NALF1: variants seen among roughly 807,000 people sequenced by gnomAD.
NALF1 encodes NALCN channel auxiliary factor 1.
A neutral mutation model predicts 48.4 loss-of-function variants in NALF1; 3 were observed. The ratio of observed to expected loss-of-function variants is 0.06; its 90% confidence interval spans 0.03 to 0.16. NALF1 has a LOEUF of 0.16. NALF1 is among the 10% of genes least tolerant of loss of function. NALF1 has a pLI of 1.00. For synonymous variants in NALF1, 262 were observed against 245.7 expected (o/e 1.07, Z -0.62); for missense variants, 526 against 571.5 (o/e 0.92, Z 0.81).
chr13:107,331,620 T>A (rs1392000889), intron 1 of NALF1, among the ~76,000 whole-genome samples: 1 of 152,226 alleles, frequency 6.6e-6, no homozygotes, highest in African/African-American at 2.4e-5. Context: ...TGAGCCAGCA[T>A]TAGAATTTTG....
intron 1 of NALF1, among the ~76,000 whole-genome samples, chr13:107,743,089 G>A (rs1188945515): frequency 6.6e-6 from 1 of 152,126 alleles, no homozygotes; most frequent in African/African-American, 2.4e-5. Context: ...ACTTTGACAG[G>A]GAGTGCCCCT....
chr13:107,858,547 T>C (rs895470286), intron 1 of NALF1, among the ~76,000 whole-genome samples: 3 of 152,078 alleles, frequency 2.0e-5, no homozygotes, highest in African/African-American at 7.2e-5. Context: ...AATTAGCCAT[T>C]TGTGGTGAGG....
intron 1 of NALF1, among the ~76,000 whole-genome samples, chr13:107,850,967 A>G (rs1226121838): frequency 6.6e-6 from 1 of 152,174 alleles, no homozygotes; most frequent in South Asian, 2.1e-4. Context: ...TTTTTGAACT[A>G]TATGACCTGC....
chr13:107,682,173 C>T (rs1881321237), intron 1 of NALF1, among the ~76,000 whole-genome samples: 1 of 152,194 alleles, frequency 6.6e-6, no homozygotes, highest in African/African-American at 2.4e-5. Context: ...GCATTGATTC[C>T]TCTAACCCTC....
intron 1 of NALF1, among the ~76,000 whole-genome samples, chr13:107,407,939 T>C (rs1309971714): frequency 6.6e-6 from 1 of 152,144 alleles, no homozygotes; most frequent in Non-Finnish European, 1.5e-5. Flanking sequence ...AATGAGATCC[T>C]GTCACTTGCA....
rs1024186576 is a variant in NALF1, at chr13:107,865,820, G to A, written c.777C>T (p.Thr259=). The part of the protein sequence containing the change: ...DVVLKEGGEM[T]TCRQCVEAYQ... The stretch of plus-strand genomic sequence containing the variant: ...AAGCCTCGACGCACTGCCTGCAAGT[G>A]GTCATCTCGCCGCCTTCCTTGAGCA... Residue 259 remains threonine (T), a synonymous_variant, in exon 1 of 3, where the codon ACC becomes ACT. Coordinates refer to ENST00000375915, the MANE Select transcript of NALF1 (RefSeq NM_001080396.3). 1 of 1,614,090 alleles carries A rather than the reference G, an allele frequency of 6.2e-7. No individual in the cohort carries two copies. Among genetic ancestry groups the A allele is most frequent in the Non-Finnish European group, 8.5e-7 (1 of 1,180,036 alleles).
intron 2 of NALF1, among the ~76,000 whole-genome samples, chr13:107,188,499 T>G (rs1321952841): frequency 1.2e-4 from 18 of 152,140 alleles, no homozygotes; most frequent in Non-Finnish European, 1.5e-5. Flanking sequence ...TATACATTTA[T>G]AATTTTTATC....
At chr13:107,425,908 T>C (rs1199180212) in intron 1 of NALF1, among the ~76,000 whole-genome samples, 1 of 152,178 alleles carries the variant, frequency 6.6e-6, no homozygotes, top group Non-Finnish European at 1.5e-5. Context: ...ATATTAAATA[T>C]CTGTGTACTA....
intron 1 of NALF1, among the ~76,000 whole-genome samples, chr13:107,716,017 T>C (rs1175109439): frequency 5.3e-5 from 8 of 152,106 alleles, no homozygotes; most frequent in Non-Finnish European, 1.0e-4. Flanking sequence ...TGGAACAACT[T>C]TGGGAAGCTA....
intron 1 of NALF1, among the ~76,000 whole-genome samples, chr13:107,373,418 G>A (rs931783162): frequency 6.6e-6 from 1 of 152,144 alleles, no homozygotes; most frequent in Non-Finnish European, 1.5e-5. Context: ...AACTGACTGA[G>A]TTTCCAGTGT....
At chr13:107,552,765 G>GT (rs1877333981) in intron 1 of NALF1, among the ~76,000 whole-genome samples, 1 of 152,130 alleles carries the variant, frequency 6.6e-6, no homozygotes, top group Non-Finnish European at 1.5e-5. Context: ...AGTGGTGCAA[G>GT]TTTTTTATTG....
At chr13:107,294,545 C>T (rs1035208144) in intron 1 of NALF1, among the ~76,000 whole-genome samples, 5 of 152,234 alleles carry the variant, frequency 3.3e-5, no homozygotes, top group African/African-American at 1.2e-4. Flanking sequence ...TATTTAGTGC[C>T]CTAACATGTG....
intron 1 of NALF1, among the ~76,000 whole-genome samples, chr13:107,217,088 G>A (rs1335858145): frequency 1.3e-5 from 2 of 152,108 alleles, no homozygotes; most frequent in East Asian, 1.9e-4. Context: ...ATTAATAAAC[G>A]TCTCATGTAA....
intron 1 of NALF1, among the ~76,000 whole-genome samples, chr13:107,232,347 C>A (rs527438466): frequency 6.6e-6 from 1 of 152,068 alleles, no homozygotes; most frequent in African/African-American, 2.4e-5. Context: ...GAGAGGGTCG[C>A]GGTCACTAGA....
intron 1 of NALF1, among the ~76,000 whole-genome samples, chr13:107,567,678 T>C (rs1357405844): frequency 6.6e-6 from 1 of 152,236 alleles, no homozygotes; most frequent in Non-Finnish European, 1.5e-5. Context: ...TGTAGCTCTA[T>C]GCAGTTGTTA....
chr13:107,463,650 T>C (rs532376170), intron 1 of NALF1, among the ~76,000 whole-genome samples: 123 of 152,280 alleles, frequency 8.1e-4, no homozygotes, highest in African/African-American at 2.8e-3. Context: ...AAGATACTTA[T>C]GATATATGAC....
intron 1 of NALF1, among the ~76,000 whole-genome samples, chr13:107,232,608 T>G (rs55651442): frequency 0.031 from 4,712 of 152,256 alleles, 266 homozygotes; most frequent in African/African-American, 0.11. Context: ...AATATGTACT[T>G]AGAATTTCCG....
chr13:107,236,150 C>T (rs7321102), intron 1 of NALF1, among the ~76,000 whole-genome samples: 33,894 of 151,920 alleles, frequency 0.22, 3,802 homozygotes, highest in Middle Eastern at 0.3. Flanking sequence ...AGGCAGACTG[C>T]GGTCCCTATG....
At chr13:107,810,079 G>A (rs535152719) in intron 1 of NALF1, among the ~76,000 whole-genome samples, 6 of 151,754 alleles carry the variant, frequency 4.0e-5, no homozygotes, top group African/African-American at 1.4e-4. Context: ...ATTTTTCCTA[G>A]AAAGAAATTT....
Sources: allele counts gnomAD v4.1 joint callset (sites outside exome capture counted in the v4.1 genomes callset), GRCh38; gene constraint gnomAD v4.1.1; transcripts MANE v1.5; gene names NCBI Gene and HGNC (gene_info 2026-07-23, HGNC 2026-07-21).